Variants in INPP4B observed in about 807,000 individuals in gnomAD.
INPP4B encodes inositol polyphosphate-4-phosphatase type II B, also known as inositol polyphosphate 4-phosphatase type II.
Under a neutral mutation model 122.5 loss-of-function variants are expected in INPP4B, and 55 were observed. That is an observed-to-expected ratio of 0.45 (90% confidence interval 0.36 to 0.56). The LOEUF is 0.56. Ranked by LOEUF, INPP4B falls within the 20% of genes least tolerant of loss-of-function variation. INPP4B has a pLI of 0.00. For missense variants in INPP4B, 1,000 were observed against 1,097.7 expected, an observed-to-expected ratio of 0.91 and a Z score of 1.26; for synonymous variants, 403 against 388.7, an observed-to-expected ratio of 1.04 and a Z score of -0.43.
chr4:142,136,147 C>T (rs370433881), intron 18 of INPP4B, among the ~76,000 whole-genome samples: 5 of 152,218 alleles, frequency 3.3e-5, no homozygotes, highest in South Asian at 2.1e-4. Flanking sequence ...TGTGGGGCTA[C>T]GTGAGTACAG....
chr4:142,790,081 C>T (rs1287212861), intron 1 of INPP4B, among the ~76,000 whole-genome samples: 4 of 152,086 alleles, frequency 2.6e-5, no homozygotes, highest in Non-Finnish European at 4.4e-5. Flanking sequence ...AAAACCAACA[C>T]AAGATGGATT....
intron 5 of INPP4B, among the ~76,000 whole-genome samples, chr4:142,405,837 C>CA (rs1369284593): frequency 6.6e-6 from 1 of 151,980 alleles, no homozygotes; most frequent in Non-Finnish European, 1.5e-5. Context: ...AGCAGTTTCT[C>CA]AACCACAACA....
chr4:142,653,429 AACAG>A lies in INPP4B; in HGVS notation c.-191+72406_-191+72409del, dbSNP rs1430520443. On this transcript the variant is annotated intron_variant, in intron 2 of 25. Coordinates refer to ENST00000262992, the MANE Select transcript of INPP4B (RefSeq NM_001101669.3). ...GGCAAAATAAAATACCATCAGAGTG[AACAG>A]ACAACCTACTGAATGGGAGAAAATT... Among the ~76,000 whole-genome samples the A allele has an allele frequency of 5.9e-5, 9 of 152,222 alleles. No individual in the cohort carries two copies. In the South Asian group the frequency reaches 1.2e-3, roughly 21 times the overall value.
At chr4:142,581,290 AG>A (rs1348272587) in intron 2 of INPP4B, among the ~76,000 whole-genome samples, 1 of 152,030 alleles carries the variant, frequency 6.6e-6, no homozygotes, top group Non-Finnish European at 1.5e-5. Flanking sequence ...ATACAAGAAA[AG>A]CACTCAAGTA....
At chr4:142,829,450 C>A (rs1284221151) in intron 1 of INPP4B, among the ~76,000 whole-genome samples, 1 of 152,122 alleles carries the variant, frequency 6.6e-6, no homozygotes, top group South Asian at 2.1e-4. Flanking sequence ...GCTCCCTCTA[C>A]GTGGACCTGC....
At chr4:142,806,251 C>T in intron 1 of INPP4B, among the ~76,000 whole-genome samples, 1 of 124,522 alleles carries the variant, frequency 8.0e-6, no homozygotes, top group South Asian at 2.6e-4. Flanking sequence ...TGCAGTCTGG[C>T]CTGGGAGAAC....
chr4:142,383,107 T>G (rs907106752), intron 7 of INPP4B, among the ~76,000 whole-genome samples: 1 of 152,174 alleles, frequency 6.6e-6, no homozygotes, highest in African/African-American at 2.4e-5. Context: ...TGTACTGATA[T>G]TAAGCCACTT....
intron 2 of INPP4B, among the ~76,000 whole-genome samples, chr4:142,569,333 T>G (rs971806159): frequency 6.6e-6 from 1 of 152,048 alleles, no homozygotes; most frequent in Non-Finnish European, 1.5e-5. Flanking sequence ...TTCCTCTCTA[T>G]GTTGAAATAT....
At chr4:142,627,831 C>T (rs1449864104) in intron 2 of INPP4B, among the ~76,000 whole-genome samples, 1 of 151,982 alleles carries the variant, frequency 6.6e-6, no homozygotes, top group Non-Finnish European at 1.5e-5. Context: ...GAAATGGTAC[C>T]AGTTCCTCCT....
At chr4:142,589,736 G>A (rs1277403951) in intron 2 of INPP4B, among the ~76,000 whole-genome samples, 2 of 152,002 alleles carry the variant, frequency 1.3e-5, no homozygotes, top group Admixed American at 6.6e-5. Flanking sequence ...AAAAGCTAAA[G>A]ATAACCTTAC....
At chr4:142,360,177 G>A (rs912960400) in intron 7 of INPP4B, among the ~76,000 whole-genome samples, 2 of 151,882 alleles carry the variant, frequency 1.3e-5, no homozygotes, top group African/African-American at 4.8e-5. Context: ...TATGATTTCT[G>A]ATTCTAATGT....
At chr4:142,166,262 G>A (rs1822653655) in intron 16 of INPP4B, among the ~76,000 whole-genome samples, 1 of 151,602 alleles carries the variant, frequency 6.6e-6, no homozygotes, top group South Asian at 2.1e-4. Context: ...AAAGTTAACT[G>A]TTCTTTTGCT....
chr4:142,240,523 A>G lies in INPP4B; in HGVS notation c.689-2512T>C, dbSNP rs145443174. ...TATTTATAAAGAAAATACTTGTAAC[A>G]ATTTAAAAACCAGGCAATTTAATCA... On this transcript the variant is annotated intron_variant, in intron 11 of 25. Transcript: ENST00000262992. 4.9e-4 allele frequency among the ~76,000 whole-genome samples: 74 copies of G among 152,276 alleles called. 2 individuals carry two copies. In the East Asian group the frequency reaches 0.01, roughly 21 times the overall value.
chr4:142,729,845 C>T (rs942395745), intron 1 of INPP4B, among the ~76,000 whole-genome samples: 2 of 152,150 alleles, frequency 1.3e-5, no homozygotes, highest in African/African-American at 2.4e-5. Flanking sequence ...CACCTCTCTT[C>T]CAGAGGAATC....
chr4:142,809,674 A>C (rs891689058), intron 1 of INPP4B, among the ~76,000 whole-genome samples: 11 of 152,170 alleles, frequency 7.2e-5, no homozygotes, highest in African/African-American at 2.4e-4. Flanking sequence ...AACATCCTAG[A>C]ATATGTATCA....
At chr4:142,561,989 T>C (rs974941601) in intron 2 of INPP4B, among the ~76,000 whole-genome samples, 3 of 152,120 alleles carry the variant, frequency 2.0e-5, no homozygotes, top group Admixed American at 2.0e-4. Context: ...TTTCTTTTTC[T>C]TTTTTCCTTT....
chr4:142,769,859 A>G (rs1772760856), intron 1 of INPP4B, among the ~76,000 whole-genome samples: 1 of 152,176 alleles, frequency 6.6e-6, no homozygotes, highest in Non-Finnish European at 1.5e-5. Context: ...GGTGGCAGTG[A>G]GCTGAGATCC....
chr4:142,794,980 G>A (rs887752911), intron 1 of INPP4B, among the ~76,000 whole-genome samples: 20 of 151,814 alleles, frequency 1.3e-4, no homozygotes, highest in Admixed American at 9.2e-4. Flanking sequence ...ATGCATAGGA[G>A]CATGCACAAG....
intron 1 of INPP4B, among the ~76,000 whole-genome samples, chr4:142,769,934 C>A (rs1462191630): frequency 3.3e-5 from 5 of 151,880 alleles, no homozygotes; most frequent in Non-Finnish European, 1.5e-5. Context: ...AAAATAAAAT[C>A]ATAAAAGTAA....
Sources: gnomAD v4.1 joint callset for allele counts (sites outside exome capture counted in the v4.1 genomes callset) on GRCh38, gnomAD v4.1.1 for gene constraint, MANE v1.5 for transcripts, NCBI Gene and HGNC (gene_info 2026-07-23, HGNC 2026-07-21) for gene names.